Variants in PRH1 observed in about 807,000 individuals in gnomAD.
The protein encoded by PRH1 is salivary acidic proline-rich phosphoprotein 1/2.
Under a neutral mutation model 7.9 loss-of-function variants are expected in PRH1, and 7 were observed. That is an observed-to-expected ratio of 0.89 (90% CI 0.50 to 1.67). The LOEUF (loss-of-function observed/expected upper bound fraction) is 1.67, where lower values mean the gene tolerates loss of function less well. Among genes scored for constraint, PRH1 ranks in the 40% most tolerant of loss-of-function variants. The pLI, the probability that PRH1 is intolerant of heterozygous loss-of-function variation, is 0.00. For synonymous variants in PRH1, 45 were observed against 80.8 expected (o/e 0.56, Z 2.38); for missense variants, 109 against 223.6 (o/e 0.49, Z 3.27).
At chr12:10,942,403 G>C (rs778509955) in intron 2 of PRH1, among the ~76,000 whole-genome samples, 219 of 152,254 alleles carry the variant, frequency 1.4e-3, no homozygotes, top group Non-Finnish European at 2.1e-3. Flanking sequence ...TGCTAGGGGG[G>C]ATGGGGCTGA....
In PRH1 at chr12:11,080,618, C is replaced by G; in HGVS notation, n.124-33430G>C. On this transcript the variant is annotated intron_variant and non_coding_transcript_variant, in intron 1 of 4. Coordinates refer to the PRH1 transcript ENST00000541977. ...TCTCTTTATTGCTATTTGCATATAT[C>G]TTATCGATTATACATTCAATCCAGG... is the stretch of plus-strand genomic sequence containing the variant. Among the ~76,000 whole-genome samples the G allele has an allele frequency of 1.9e-5, 2 of 108,040 alleles. 1 individual carries two copies. The highest frequency in any genetic ancestry group is 4.4e-5 in the Non-Finnish European group (2 of 45,030). The allele number at this position is 108,040 out of a possible 152,430, so 70.9% of individuals were successfully genotyped here. A position where few individuals can be genotyped will look rare whatever the true frequency, so the allele number is the denominator to read the frequency against.
At chr12:11,021,214 TC>T (rs1941608112) in intron 1 of PRH1, among the ~76,000 whole-genome samples, 1 of 152,186 alleles carries the variant, frequency 6.6e-6, no homozygotes, top group South Asian at 2.1e-4. Context: ...AAAGATCCAT[TC>T]TTATCATTGA....
chr12:11,022,570 A>T lies in PRH1; in HGVS notation c.-126+24450T>A, dbSNP rs1374982470. 1.9e-6 allele frequency: 3 copies of T among 1,587,696 alleles called. No individual in the cohort carries two copies. The South Asian group carries it at 3.4e-5, about 18-fold the overall frequency. On this transcript the variant is annotated intron_variant, in intron 1 of 3. Coordinates refer to the PRH1 transcript ENST00000539853. ...TGAAATGATGAGCAGAAAACACATC[A>T]TGTTTGAACAGATAAAAAAATGCAG...
At chr12:11,076,731 T>C (rs1944306705) in intron 1 of PRH1, 2 of 115,724 alleles carry the variant, frequency 1.7e-5, no homozygotes, top group African/African-American at 5.8e-5. Flanking sequence ...TATTCTTTAG[T>C]ACTGTTTTTG....
chr12:11,030,003 T>C (rs1942105304), intron 1 of PRH1, among the ~76,000 whole-genome samples: 1 of 152,176 alleles, frequency 6.6e-6, no homozygotes, highest in Non-Finnish European at 1.5e-5. Flanking sequence ...CAAATAACAA[T>C]AGAAAAGAGC....
At chr12:10,900,928 G>T (rs1305401141) in intron 2 of PRH1, among the ~76,000 whole-genome samples, 1 of 152,084 alleles carries the variant, frequency 6.6e-6, no homozygotes, top group African/African-American at 2.4e-5. Context: ...AGGTCATGGT[G>T]CAATGGGGCC....
chr12:10,997,777 A>T, intron 1 of PRH1: 1 of 1,613,916 alleles, frequency 6.2e-7, no homozygotes, highest in East Asian at 2.2e-5. Flanking sequence ...TGACCCAGGC[A>T]ATGAAATTTA....
At chr12:11,126,904 A>C (rs2708342) in intron 1 of PRH1, among the ~76,000 whole-genome samples, 1 of 149,704 alleles carries the variant, frequency 6.7e-6, no homozygotes, top group East Asian at 1.9e-4. Context: ...GGGAAAATAC[A>C]AATTCTACCA....
At chr12:11,069,445 T>TAC (rs1943967431) in intron 1 of PRH1, among the ~76,000 whole-genome samples, 1 of 25,378 alleles carries the variant, frequency 3.9e-5, no homozygotes. Flanking sequence ...CAATCTCATG[T>TAC]TTTCAGTTTA....
At chr12:11,161,608 T>C (rs948235003) in intron 1 of PRH1, among the ~76,000 whole-genome samples, 12 of 152,236 alleles carry the variant, frequency 7.9e-5, no homozygotes, top group African/African-American at 2.9e-4. Context: ...AGGAAAAGAA[T>C]TGACTGGTTT....
intron 2 of PRH1, among the ~76,000 whole-genome samples, chr12:10,916,673 AAACT>A (rs1949976348): frequency 6.6e-6 from 1 of 152,030 alleles, no homozygotes; most frequent in African/African-American, 2.4e-5. Context: ...AAACCCAAGC[AAACT>A]ATCATTCTCC....
intron 1 of PRH1, among the ~76,000 whole-genome samples, chr12:11,085,329 T>C (rs1944649859): frequency 6.8e-6 from 1 of 147,888 alleles, no homozygotes. Flanking sequence ...AAGAAAATAA[T>C]ATGTTGAAAT....
chr12:10,887,088 C>T (rs769134337), upstream of PRH1, among the ~76,000 whole-genome samples: 17 of 152,204 alleles, frequency 1.1e-4, no homozygotes, highest in Non-Finnish European at 2.5e-4. Flanking sequence ...AATTTCATGC[C>T]TCAGCTCTTT....
intron 1 of PRH1, among the ~76,000 whole-genome samples, chr12:11,010,692 T>C (rs1456476196): frequency 6.6e-6 from 1 of 151,880 alleles, no homozygotes. Flanking sequence ...ATTAGTAACA[T>C]CAGATTAAAT....
At chr12:11,086,115 C>CCA (rs1414568312) in intron 1 of PRH1, among the ~76,000 whole-genome samples, 1 of 14,410 alleles carries the variant, frequency 6.9e-5, no homozygotes, top group African/African-American at 9.9e-5. Flanking sequence ...CCCCCCCCCA[C>CCA]ACACACACCC....
intron 1 of PRH1, among the ~76,000 whole-genome samples, chr12:11,155,426 T>A (rs567304818): frequency 5.3e-5 from 8 of 152,160 alleles, no homozygotes. Flanking sequence ...TAGAAACCAA[T>A]TAGGTCAGTT....
At chr12:10,908,143 T>G in intron 2 of PRH1, 1 of 436,844 alleles carries the variant, frequency 2.3e-6, no homozygotes, top group East Asian at 3.5e-5. Context: ...TACAATAGAA[T>G]CTGCCAATAA....
chr12:10,970,563 G>GTTT (rs112603233), intron 2 of PRH1, among the ~76,000 whole-genome samples: 6 of 143,326 alleles, frequency 4.2e-5, no homozygotes, highest in African/African-American at 1.5e-4. Flanking sequence ...AAGTTTTTTT[G>GTTT]TTTTTTTTTT....
chr12:10,935,899 G>A lies in PRH1; in HGVS notation c.-59+37756C>T, dbSNP rs1361940897. Among the ~76,000 whole-genome samples the A allele has an allele frequency of 2.0e-5, 3 of 152,194 alleles. No individual in the cohort carries two copies. The East Asian group carries it at 5.8e-4, about 29-fold the overall frequency. On this transcript the variant is annotated intron_variant, in intron 2 of 3. Coordinates refer to the PRH1 transcript ENST00000539853. ...TTTAAGAAAAAACTTTCAAGGATAG[G>A]AGCGCCAACACATGACCCAGGCAGA... is the stretch of plus-strand genomic sequence containing the variant.
Sources: allele counts gnomAD v4.1 joint callset (sites outside exome capture counted in the v4.1 genomes callset), GRCh38; gene constraint gnomAD v4.1.1; transcripts MANE v1.5; gene names NCBI Gene and HGNC (gene_info 2026-07-23, HGNC 2026-07-21).